The following SLC36A1 variants were observed in gnomAD, a reference collection of about 807,000 sequenced individuals.
The protein encoded by SLC36A1 is solute carrier family 36 member 1, also known as proton-coupled amino acid transporter 1.
In SLC36A1, 30 loss-of-function variants were observed where a neutral mutation model predicts 47.5. That is an observed-to-expected ratio of 0.63 (90% confidence interval 0.47 to 0.86). The LOEUF is 0.86. Among genes scored for constraint, SLC36A1 ranks in the 40% least tolerant of loss-of-function variants. The probability of loss-of-function intolerance (pLI) is 0.00; values close to 1 mark genes in which losing one functional copy is unlikely to be tolerated. For missense variants in SLC36A1, 517 were observed against 606.0 expected, an observed-to-expected ratio of 0.85 and a Z score of 1.54; for synonymous variants, 255 against 249.7, an observed-to-expected ratio of 1.02 and a Z score of -0.20.
the SLC36A1 span, chr5:151,422,049 T>G: frequency 6.6e-6 from 1 of 152,194 alleles, no homozygotes; most frequent in South Asian, 2.1e-4. Flanking sequence ...GGCAGGTGCA[T>G]GAACACAGAT....
At chr5:151,522,029 T>A in the SLC36A1 span, 1 of 1,612,462 alleles carries the variant, frequency 6.2e-7, no homozygotes, top group Non-Finnish European at 8.5e-7. Flanking sequence ...CTCTGCTCTG[T>A]GACATGGACA....
chr5:151,492,673 C>T (rs766162535), downstream of SLC36A1, among the ~76,000 whole-genome samples: 21 of 152,232 alleles, frequency 1.4e-4, 2 homozygotes, highest in Admixed American at 7.2e-4. Context: ...GCCCACATGA[C>T]AGCCAGTTTT....
At chr5:151,537,793 C>T in the SLC36A1 span, 2 of 1,608,506 alleles carry the variant, frequency 1.2e-6, no homozygotes, top group Admixed American at 3.4e-5. Context: ...GGAAACCCAC[C>T]TGTATGAGGA....
rs1385257311 is a variant in SLC36A1, at chr5:151,492,298, G to A, written c.*4044G>A. 15 of 152,132 alleles carry A rather than the reference G, an allele frequency of 9.9e-5. No individual in the cohort carries two copies. The highest frequency in any genetic ancestry group is 5.2e-4 in the Admixed American group (8 of 15,282). The allele number at this position is 152,132 out of a possible 1,614,324, so 9.4% of individuals were successfully genotyped here. ...AGCGATGTGGATCATGCCAGAGTTC[G>A]TAGATCCTGTTTTGGGGTTTGCACA... On this transcript the variant is annotated 3_prime_UTR_variant, in exon 11 of 11. Coordinates refer to ENST00000243389, the MANE Select transcript of SLC36A1 (RefSeq NM_078483.4).
the SLC36A1 span, among the ~76,000 whole-genome samples, chr5:151,410,057 G>A: frequency 1.3e-5 from 2 of 152,178 alleles, no homozygotes; most frequent in Admixed American, 1.3e-4. Flanking sequence ...ATAGGTATTA[G>A]CATTGTCTCC....
intron 1 of SLC36A1, among the ~76,000 whole-genome samples, chr5:151,458,478 A>G (rs1301564077): frequency 1.3e-5 from 2 of 150,712 alleles, no homozygotes; most frequent in Non-Finnish European, 3.0e-5. Flanking sequence ...ATTTTCCCCC[A>G]CTCCTCCCAA....
At chr5:151,359,490 T>A in the SLC36A1 span, among the ~76,000 whole-genome samples, 1,069 of 152,320 alleles carry the variant, frequency 7.0e-3, 11 homozygotes, top group African/African-American at 0.024. Flanking sequence ...ATTATTTAAA[T>A]AGCCTTATTA....
chr5:151,529,039 C>G, the SLC36A1 span: 1 of 699,274 alleles, frequency 1.4e-6, no homozygotes, highest in Non-Finnish European at 2.4e-6. Flanking sequence ...TCACATAAAC[C>G]TCTGACAAGT....
the SLC36A1 span, among the ~76,000 whole-genome samples, chr5:151,403,383 G>A: frequency 1.7e-4 from 26 of 152,226 alleles, no homozygotes; most frequent in South Asian, 4.6e-3. Flanking sequence ...TCTCATGAAT[G>A]GTTTAGTACC....
rs1214993749 is a variant in SLC36A1, at chr5:151,488,521, A to C, written c.*267A>C. ...ACCCAGAACTTTCCAGCTCCCCCTC[A>C]TCATGCCTCCTCCTTCCTACCTGCC... On this transcript the variant is annotated 3_prime_UTR_variant, in exon 11 of 11. Transcript: ENST00000243389. The C allele has an allele frequency of 2.1e-6, 1 of 477,128 alleles. No homozygotes were observed. Among genetic ancestry groups the C allele is most frequent in the East Asian group, 3.7e-5 (1 of 27,236 alleles). The allele number at this position is 477,128 out of a possible 1,614,324, so 29.6% of individuals were successfully genotyped here.
chr5:151,398,468 C>A, the SLC36A1 span, among the ~76,000 whole-genome samples: 5 of 152,244 alleles, frequency 3.3e-5, no homozygotes, highest in East Asian at 5.8e-4. Context: ...GAATATATAG[C>A]AGCTCCTGAA....
chr5:151,355,718 T>C, the SLC36A1 span, among the ~76,000 whole-genome samples: 1 of 152,198 alleles, frequency 6.6e-6, no homozygotes, highest in Admixed American at 6.5e-5. Flanking sequence ...AAATATGAAA[T>C]GTTCATCACA....
At position 151,492,221 on chromosome 5, in the gene SLC36A1, A is replaced by G. The variant is rs1760182005; in HGVS notation, c.*3967A>G. On this transcript the variant is annotated 3_prime_UTR_variant, in exon 11 of 11. Transcript: ENST00000243389. ...CTGTAGGTGTTGATAACTAGACAGT[A>G]CTGTGTATGTTACGTGCCTGTGTGG... The G allele has an allele frequency of 6.6e-6, 1 of 152,218 alleles. No homozygotes were observed. 9.4% of individuals were successfully genotyped at this position (152,218 alleles called of 1,614,324 possible). A position where few individuals can be genotyped will look rare whatever the true frequency, so the allele number is the denominator to read the frequency against.
chr5:151,543,411 C>G, the SLC36A1 span: 1 of 1,613,994 alleles, frequency 6.2e-7, no homozygotes, highest in Non-Finnish European at 8.5e-7. Context: ...TGAGGATGAT[C>G]TTCACCGTGC....
chr5:151,551,661 G>T, the SLC36A1 span: 8 of 1,590,392 alleles, frequency 5.0e-6, no homozygotes, highest in African/African-American at 9.4e-5. Context: ...AGGCAGCATA[G>T]CATAAGATAG....
At chr5:151,456,642 C>G (rs1408558564) in intron 1 of SLC36A1, among the ~76,000 whole-genome samples, 1 of 152,116 alleles carries the variant, frequency 6.6e-6, no homozygotes, top group East Asian at 1.9e-4. Context: ...AAATGAAGCT[C>G]TCATAGATTT....
chr5:151,366,535 C>A, the SLC36A1 span: 1 of 280,992 alleles, frequency 3.6e-6, no homozygotes, highest in Admixed American at 4.9e-5. Context: ...GGAGCTCATG[C>A]ACTCTGAGTA....
intron 1 of SLC36A1, among the ~76,000 whole-genome samples, chr5:151,438,703 T>A (rs1413027011): frequency 6.6e-6 from 1 of 152,206 alleles, no homozygotes; most frequent in Non-Finnish European, 1.5e-5. Context: ...ACATATGCTC[T>A]GCAGGTCTCT....
At chr5:151,458,982 T>C in intron 2 of SLC36A1, 47 bp downstream of exon 2, 1 of 1,563,050 alleles carries the variant, frequency 6.4e-7, no homozygotes, top group African/African-American at 1.4e-5. Context: ...TTCGTGTTCC[T>C]AAGCCTCCCT....
Sources: allele counts gnomAD v4.1 joint callset (sites outside exome capture counted in the v4.1 genomes callset), GRCh38; gene constraint gnomAD v4.1.1; transcripts MANE v1.5; gene names NCBI Gene and HGNC (gene_info 2026-07-23, HGNC 2026-07-21).